LNX1: variants seen among roughly 807,000 people sequenced by gnomAD.
LNX1 encodes E3 ubiquitin-protein ligase LNX.
A neutral mutation model predicts 68.4 loss-of-function variants in LNX1; 54 were observed. That is an observed-to-expected ratio of 0.79 (90% CI 0.63 to 0.99). LNX1 has a LOEUF of 0.99. Among genes scored for constraint, LNX1 ranks in the 50% least tolerant of loss-of-function variants. The pLI, the probability that LNX1 is intolerant of heterozygous loss-of-function variation, is 0.00. For missense variants in LNX1, 906 were observed against 926.4 expected, an observed-to-expected ratio of 0.98 and a Z score of 0.29; for synonymous variants, 336 against 350.0, an observed-to-expected ratio of 0.96 and a Z score of 0.45.
At chr4:53,567,557 T>C (rs1352068040) in intron 2 of LNX1, among the ~76,000 whole-genome samples, 3 of 152,094 alleles carry the variant, frequency 2.0e-5, no homozygotes, top group Non-Finnish European at 2.9e-5. Flanking sequence ...AGATCTAAAA[T>C]TGACACCCTA....
At chr4:53,594,994 G>C (rs759444348), upstream of LNX1, among the ~76,000 whole-genome samples, 2 of 152,200 alleles carry the variant, frequency 1.3e-5, no homozygotes, top group African/African-American at 4.8e-5. Context: ...TTACAGGTGC[G>C]AGCCACTTGG....
chr4:53,613,162 C>G (rs1733558004), intron 2 of LNX1, among the ~76,000 whole-genome samples: 1 of 150,088 alleles, frequency 6.7e-6, no homozygotes, highest in Non-Finnish European at 1.5e-5. Context: ...AGAGGAAGCA[C>G]CAAGCCAAAA....
chr4:53,584,643 C>G (rs1455687637), intron 1 of LNX1, among the ~76,000 whole-genome samples: 2 of 152,162 alleles, frequency 1.3e-5, no homozygotes, highest in African/African-American at 2.4e-5. Context: ...GAGTAGTGAT[C>G]TCTTGATGTG....
chr4:53,553,368 G>A (rs1408366568), intron 2 of LNX1, among the ~76,000 whole-genome samples: 1 of 152,156 alleles, frequency 6.6e-6, no homozygotes, highest in African/African-American at 2.4e-5. Context: ...GCATGAAAAT[G>A]GATGGGCCCC....
rs187155097 is a variant in LNX1 at position 53,560,064 on chromosome 4, C to T, written c.380+13559G>A. Among the ~76,000 whole-genome samples, 448 of 152,296 alleles carry T rather than the reference C, an allele frequency of 2.9e-3. 2 individuals are homozygous for T. The highest frequency in any genetic ancestry group is 0.01 in the African/African-American group (432 of 41,564). On this transcript the variant is annotated intron_variant, in intron 2 of 10. Coordinates refer to ENST00000263925, the MANE Select transcript of LNX1 (RefSeq NM_001126328.3). ...ATTCTTTTCTTATCCCTTCTTTCCT[C>T]CTATACTATTAGAGAAGTGACATGT...
At chr4:53,638,281 C>G (rs746609645) in intron 1 of LNX1, among the ~76,000 whole-genome samples, 1 of 152,168 alleles carries the variant, frequency 6.6e-6, no homozygotes, top group Non-Finnish European at 1.5e-5. Context: ...CCTTTCGATA[C>G]TTTAATAATG....
intron 1 of LNX1, among the ~76,000 whole-genome samples, chr4:53,625,583 G>A (rs568908047): frequency 6.6e-6 from 1 of 152,204 alleles, no homozygotes; most frequent in African/African-American, 2.4e-5. Context: ...GATTGCTTGG[G>A]CCCAGGAATT....
rs988834380 is a variant in LNX1, at chr4:53,467,675, C to T, written c.1893-6082G>A. ...CCTGATGGAGCTGAAAACCACGGCA[C>T]GAGAACTATGTGACGAATGCACAAG... On this transcript the variant is annotated intron_variant, in intron 9 of 10. Coordinates refer to ENST00000263925, the MANE Select transcript of LNX1 (RefSeq NM_001126328.3). 3.8e-4 allele frequency among the ~76,000 whole-genome samples: 58 copies of T among 152,080 alleles called. 1 individual carries two copies. Among genetic ancestry groups the T allele is most frequent in the Admixed American group, 3.7e-3 (56 of 15,264 alleles).
At chr4:53,533,995 A>G (rs1728197658) in intron 2 of LNX1, among the ~76,000 whole-genome samples, 1 of 152,244 alleles carries the variant, frequency 6.6e-6, no homozygotes, top group Admixed American at 6.5e-5. Context: ...GAGGGTGGGC[A>G]GAGGTAGATG....
At chr4:53,536,310 T>G (rs992550545) in intron 2 of LNX1, among the ~76,000 whole-genome samples, 1 of 122,782 alleles carries the variant, frequency 8.1e-6, no homozygotes, top group African/African-American at 3.0e-5. Flanking sequence ...GCAGTGCGAA[T>G]GAACAGATTC....
chr4:53,494,996 A>C (rs1724947898), intron 6 of LNX1, among the ~76,000 whole-genome samples: 1 of 152,166 alleles, frequency 6.6e-6, no homozygotes, highest in Non-Finnish European at 1.5e-5. Context: ...GTTAAGGAGG[A>C]CGTGGGGCGG....
At position 53,498,787 on chromosome 4, in the gene LNX1, T is replaced by A; in HGVS notation, c.832A>T (p.Asn278Tyr). 1 of 1,614,124 alleles carries A rather than the reference T, an allele frequency of 6.2e-7. No individual in the cohort carries two copies. The highest frequency in any genetic ancestry group is 8.5e-7 in the Non-Finnish European group (1 of 1,179,990). Residue 278 changes from asparagine to tyrosine, a missense_variant, in exon 5 of 11, where the codon AAT (asparagine) becomes TAT (tyrosine). Asn to Tyr is a moderately radical substitution (Grantham distance 143). Coordinates refer to ENST00000263925, the MANE Select transcript of LNX1 (RefSeq NM_001126328.3). ...AGGCTTTCACTGGGATCTACTCGAT[T>A]GATCTTGATGCTGGTAATTTCACCA... ...PDGEITSIKI[N>Y]RVDPSESLSI...
At chr4:53,589,927 A>G (rs922180794) in intron 1 of LNX1, among the ~76,000 whole-genome samples, 3 of 152,188 alleles carry the variant, frequency 2.0e-5, no homozygotes, top group African/African-American at 7.2e-5. Context: ...TATTTATTTA[A>G]TCATAAATTA....
chr4:53,529,124 C>CACACACACACACACAT (rs1430548270), intron 2 of LNX1, among the ~76,000 whole-genome samples: 2 of 151,806 alleles, frequency 1.3e-5, no homozygotes, highest in Non-Finnish European at 2.9e-5. Flanking sequence ...CACACACACA[C>CACACACACACACACAT]ACACACACAC....
chr4:53,493,992 C>T (rs1201846455), intron 6 of LNX1, among the ~76,000 whole-genome samples: 2 of 152,190 alleles, frequency 1.3e-5, no homozygotes, highest in East Asian at 1.9e-4. Flanking sequence ...TCTCTTGCCT[C>T]GTCTATGGCT....
intron 2 of LNX1, among the ~76,000 whole-genome samples, chr4:53,513,919 C>A (rs1380708854): frequency 2.6e-5 from 4 of 152,190 alleles, no homozygotes; most frequent in African/African-American, 9.7e-5. Flanking sequence ...TGACTTCTGA[C>A]TTCCTCTCCA....
At chr4:53,648,071 A>G (rs1237121430) in intron 1 of LNX1, among the ~76,000 whole-genome samples, 2 of 152,278 alleles carry the variant, frequency 1.3e-5, no homozygotes, top group Non-Finnish European at 2.9e-5. Context: ...ATATGGGAGT[A>G]CAAATATATG....
In LNX1 at chr4:53,496,178, G is replaced by T; in HGVS notation, c.1195C>A (p.Arg399Ser). Residue 399 changes from arginine to serine, a missense_variant, in exon 6 of 11, where the codon CGC becomes AGC. Transcript: ENST00000263925. ...AAAACCCCAGGCTCATCCACCTTGC[G>T]CACCAGTTTTATTCCAAGCTGCTCC... Reference protein sequence around the residue: ...PEEQLGIKLVRKVDEPGVFIF... With the variant: ...PEEQLGIKLVSKVDEPGVFIF... 1 of 1,614,026 alleles carries T rather than the reference G, an allele frequency of 6.2e-7. No homozygotes were observed. Among genetic ancestry groups the T allele is most frequent in the Non-Finnish European group, 8.5e-7 (1 of 1,180,004 alleles).
At chr4:53,647,153 T>A (rs1461624571) in intron 1 of LNX1, among the ~76,000 whole-genome samples, 1 of 152,244 alleles carries the variant, frequency 6.6e-6, no homozygotes, top group Non-Finnish European at 1.5e-5. Flanking sequence ...GGTCTGTTTC[T>A]CTAAATTTTG....
Sources: allele counts gnomAD v4.1 joint callset (sites outside exome capture counted in the v4.1 genomes callset), GRCh38; gene constraint gnomAD v4.1.1; transcripts MANE v1.5; gene names NCBI Gene and HGNC (gene_info 2026-07-23, HGNC 2026-07-21).